The following INTS8 variants were observed in gnomAD, a reference collection of about 807,000 sequenced individuals.
The protein encoded by INTS8 is protein kaonashi-1.
In INTS8, 47 loss-of-function variants were observed where a neutral mutation model predicts 138.9. That is an observed-to-expected ratio of 0.34 (90% CI 0.27 to 0.43). INTS8 has a LOEUF of 0.43. Among genes scored for constraint, INTS8 ranks in the 20% least tolerant of loss-of-function variants. The pLI is 1.00. For synonymous variants in INTS8, 392 were observed against 400.9 expected (o/e 0.98, Z 0.27); for missense variants, 996 against 1,173.0 (o/e 0.85, Z 2.20).
rs1269078592 is a variant in INTS8 at position 94,862,223 on chromosome 8, TAAGCCAC to T, written c.2076+2592_2076+2598del. Among the ~76,000 whole-genome samples the T allele has an allele frequency of 9.2e-5, 14 of 152,330 alleles. No individual in the cohort carries two copies. In the East Asian group the frequency reaches 1.7e-3, roughly 19 times the overall value. Reference sequence around the variant, plus strand: ...TCCCAAAGTGCTGGGATTACAGGCATAAGCCACCGTGCCCGACCTGAATCATTTCTAT... The same window carrying T: ...TCCCAAAGTGCTGGGATTACAGGCATCGTGCCCGACCTGAATCATTTCTAT... On this transcript the variant is annotated intron_variant, in intron 16 of 26. Transcript: ENST00000523731.
intron 5 of INTS8, among the ~76,000 whole-genome samples, chr8:94,830,965 T>G (rs1814691835): frequency 6.6e-6 from 1 of 151,922 alleles, no homozygotes; most frequent in Non-Finnish European, 1.5e-5. Flanking sequence ...GCCTGGCTAA[T>G]TTTTGTATTT....
chr8:94,868,240 G>A (rs561113760), intron 20 of INTS8, among the ~76,000 whole-genome samples: 1 of 152,248 alleles, frequency 6.6e-6, no homozygotes, highest in Non-Finnish European at 1.5e-5. Context: ...TCATGTAGGG[G>A]AATCAACTTG....
chr8:94,878,469 T>C (rs1196219265), intron 26 of INTS8, among the ~76,000 whole-genome samples: 1 of 152,214 alleles, frequency 6.6e-6, no homozygotes, highest in African/African-American at 2.4e-5. Context: ...GCTTCCTGCC[T>C]TTAAAATAAT....
rs1373934114 is a variant in INTS8 at position 94,825,049 on chromosome 8, T to C, written c.287T>C (p.Leu96Ser). 1 of 1,603,714 alleles carries C rather than the reference T, an allele frequency of 6.2e-7. No homozygotes were observed. The highest frequency in any genetic ancestry group is 8.5e-7 in the Non-Finnish European group (1 of 1,173,338). ...GTTGCTGCACATTTGAAGTGGGACT[T>C]AGACATATTAGAGAAAAGGTATCCA... ...LKVAAHLKWD[L>S]DILEKSLSVP... Residue 96 changes from leucine (L) to serine (S), a missense_variant, in exon 2 of 27, where the codon TTA becomes TCA. Physicochemically the swap from Leu to Ser is moderately radical, Grantham distance 145 (BLOSUM62 -2). Coordinates refer to ENST00000523731, the MANE Select transcript of INTS8 (RefSeq NM_017864.4).
At chr8:94,861,557 G>C (rs899364945) in intron 16 of INTS8, among the ~76,000 whole-genome samples, 4 of 149,736 alleles carry the variant, frequency 2.7e-5, no homozygotes, top group African/African-American at 9.9e-5. Flanking sequence ...CATCGAGCCC[G>C]GCCCTTTTTT....
At chr8:94,850,119 T>C in intron 12 of INTS8, 28 bp downstream of exon 12, 3 of 1,526,254 alleles carry the variant, frequency 2.0e-6, no homozygotes, top group Non-Finnish European at 2.7e-6. Context: ...CCAGCCAAAA[T>C]GTTGGCATGT....
chr8:94,833,042 T>A (rs10112015), intron 6 of INTS8, among the ~76,000 whole-genome samples: 3,627 of 152,176 alleles, frequency 0.024, 59 homozygotes, highest in Non-Finnish European at 0.033. Flanking sequence ...CTTTTTTTTT[T>A]AATATGTTCT....
At chr8:94,842,195 ATGATTTGGT>A (rs1200513246) in intron 9 of INTS8, 143 bp from the exon 10 acceptor site, 4 of 425,630 alleles carry the variant, frequency 9.4e-6, no homozygotes, top group Non-Finnish European at 1.6e-5. Flanking sequence ...CTTTCTCCCC[ATGATTTGGT>A]ATATATTTAT....
At chr8:94,823,899 G>C (rs11779041) in intron 1 of INTS8, among the ~76,000 whole-genome samples, 33,683 of 152,164 alleles carry the variant, frequency 0.22, 3,852 homozygotes, top group Middle Eastern at 0.28. Context: ...CTGACCAGAC[G>C]CCTCCTTCAA....
intron 20 of INTS8, among the ~76,000 whole-genome samples, chr8:94,869,107 C>T (rs1157389031): frequency 2.0e-5 from 3 of 151,248 alleles, no homozygotes; most frequent in Admixed American, 1.3e-4. Flanking sequence ...CTCAGGCTCC[C>T]GAGTACCTGG....
chr8:94,845,391 C>T (rs1490422120), intron 10 of INTS8, among the ~76,000 whole-genome samples: 1 of 152,126 alleles, frequency 6.6e-6, no homozygotes, highest in Non-Finnish European at 1.5e-5. Flanking sequence ...TTTTATACCA[C>T]TTTTCTATTT....
chr8:94,848,398 G>A (rs1327343221), intron 10 of INTS8, among the ~76,000 whole-genome samples: 1 of 152,068 alleles, frequency 6.6e-6, no homozygotes, highest in African/African-American at 2.4e-5. Flanking sequence ...GTGCGTTTTA[G>A]TGTATTCCTA....
In INTS8 at chr8:94,859,692, C is replaced by CTT. The variant is rs772362390; in HGVS notation, c.2076+62_2076+63dup. 8 of 1,327,644 alleles carry CTT rather than the reference C, an allele frequency of 6.0e-6. No homozygotes were observed. The East Asian group carries it at 1.9e-4, about 31-fold the overall frequency. The allele number at this position is 1,327,644 out of a possible 1,614,324, so 82.2% of individuals were successfully genotyped here. A position where few individuals can be genotyped will look rare whatever the true frequency, so the allele number is the denominator to read the frequency against. Reference sequence around the variant, plus strand: ...GGTATTATTATACTTGTTTCTTTAACTTTATACTACTTTGGGAACTTGTCT... The same window carrying CTT: ...GGTATTATTATACTTGTTTCTTTAACTTTTTATACTACTTTGGGAACTTGTCT... On this transcript the variant is annotated intron_variant, in intron 16 of 26. Coordinates refer to ENST00000523731, the MANE Select transcript of INTS8 (RefSeq NM_017864.4).
At chr8:94,866,923 G>A (rs1020524455) in intron 18 of INTS8, 2 of 478,270 alleles carry the variant, frequency 4.2e-6, no homozygotes, top group Non-Finnish European at 7.5e-6. Context: ...AAACATTTAT[G>A]CTAATTTTAT....
Position 94,824,878 on chromosome 8 carries a change from T to C in INTS8, c.131-15T>C. The C allele has an allele frequency of 6.5e-7, 1 of 1,536,262 alleles. No individual in the cohort carries two copies. ...AAAACTTAAATTTAAGAATTTATTT[T>C]CTTTTAAACCCTAGATCCTGCACCA... is the stretch of plus-strand genomic sequence containing the variant. On this transcript the variant is annotated splice_polypyrimidine_tract_variant and intron_variant, in intron 1 of 26. Transcript: ENST00000523731.
chr8:94,838,443 G>A lies in INTS8; in HGVS notation c.862-20G>A, dbSNP rs1815014630. 3 of 1,587,510 alleles carry A rather than the reference G, an allele frequency of 1.9e-6. No homozygotes were observed. Among genetic ancestry groups the A allele is most frequent in the Admixed American group, 1.7e-5 (1 of 59,840 alleles). ...TTATATTACATGAATGGATAATGGT[G>A]TATACCTCTTACTTTACAGATAGGT... is the stretch of plus-strand genomic sequence containing the variant. On this transcript the variant is annotated intron_variant, in intron 7 of 26. Transcript: ENST00000523731.
At position 94,858,570 on chromosome 8, in the gene INTS8, C is replaced by T. The variant is rs76222659; in HGVS notation, c.1955-941C>T. 4.8e-3 allele frequency among the ~76,000 whole-genome samples: 730 copies of T among 152,304 alleles called. 2 individuals are homozygous for T. The highest frequency in any genetic ancestry group is 0.016 in the African/African-American group (670 of 41,560). Reference sequence around the variant, plus strand: ...CCTAATGTTTGTTGAGTGCTAACTACGTGTCAGGCATTGTTCTAAGCTTCA... The same window carrying T: ...CCTAATGTTTGTTGAGTGCTAACTATGTGTCAGGCATTGTTCTAAGCTTCA... On this transcript the variant is annotated intron_variant, in intron 15 of 26. Coordinates refer to ENST00000523731, the MANE Select transcript of INTS8 (RefSeq NM_017864.4).
intron 15 of INTS8, among the ~76,000 whole-genome samples, chr8:94,858,920 T>G (rs981146850): frequency 2.6e-5 from 4 of 152,194 alleles, no homozygotes; most frequent in African/African-American, 9.6e-5. Flanking sequence ...ACTCCTAACT[T>G]ATTAAATGTT....
rs117356956 is a variant in INTS8 at position 94,853,922 on chromosome 8, A to G, written c.1752+7A>G. 5.4e-4 allele frequency: 803 copies of G among 1,473,520 alleles called. 7 individuals are homozygous for G. The East Asian group carries it at 0.017, about 31-fold the overall frequency. 91.3% of individuals were successfully genotyped at this position (1,473,520 alleles called of 1,614,324 possible). A position where few individuals can be genotyped will look rare whatever the true frequency, so the allele number is the denominator to read the frequency against. ...GCACTGCAGTACTGTTAAGGTGAGT[A>G]AAAGTGTGTATCAAACACTTGTTAA... is the stretch of plus-strand genomic sequence containing the variant. On this transcript the variant is annotated splice_region_variant and intron_variant, in intron 14 of 26. Coordinates refer to ENST00000523731, the MANE Select transcript of INTS8 (RefSeq NM_017864.4).
Sources: allele counts gnomAD v4.1 joint callset (sites outside exome capture counted in the v4.1 genomes callset), GRCh38; gene constraint gnomAD v4.1.1; transcripts MANE v1.5; gene names NCBI Gene and HGNC (gene_info 2026-07-23, HGNC 2026-07-21).